The following ZFAT variants were observed in gnomAD, a reference collection of about 807,000 sequenced individuals.
ZFAT encodes zinc finger and AT-hook domain containing.
In ZFAT, 64 loss-of-function variants were observed where a neutral mutation model predicts 117.7. The ratio of observed to expected loss-of-function variants is 0.54; its 90% confidence interval spans 0.44 to 0.67. The LOEUF is 0.67. Ranked by LOEUF, ZFAT falls within the 30% of genes least tolerant of loss-of-function variation. ZFAT has a pLI of 0.00. For synonymous variants in ZFAT, 679 were observed against 615.0 expected (o/e 1.10, Z -1.54); for missense variants, 1,433 against 1,584.5 (o/e 0.90, Z 1.62).
intron 1 of ZFAT, among the ~76,000 whole-genome samples, chr8:134,680,554 C>G (rs770574829): frequency 2.0e-5 from 3 of 152,114 alleles, no homozygotes; most frequent in Non-Finnish European, 4.4e-5. Context: ...TCACACAGAT[C>G]AAATGGCAAC....
At chr8:134,600,320 A>C in intron 7 of ZFAT, 116 bp downstream of exon 7, 1 of 944,108 alleles carries the variant, frequency 1.1e-6, no homozygotes, top group South Asian at 1.3e-5. Context: ...AAGGAGAAGG[A>C]TCTCTCTATG....
intron 10 of ZFAT, among the ~76,000 whole-genome samples, chr8:134,579,169 G>C (rs1360031226): frequency 6.6e-6 from 1 of 152,220 alleles, no homozygotes; most frequent in Non-Finnish European, 1.5e-5. Flanking sequence ...TCCAAATGCA[G>C]ATGTTGAGTG....
chr8:134,593,637 G>A (rs1052398565), intron 7 of ZFAT, among the ~76,000 whole-genome samples: 1 of 152,208 alleles, frequency 6.6e-6, no homozygotes, highest in African/African-American at 2.4e-5. Context: ...TGGGGTGCAG[G>A]GTCAGCCCCA....
At position 134,620,655 on chromosome 8, in the gene ZFAT, T is replaced by C. The variant is rs768293294; in HGVS notation, c.449-10000A>G. Among the ~76,000 whole-genome samples, 12 of 152,188 alleles carry C rather than the reference T, an allele frequency of 7.9e-5. No homozygotes were observed. The South Asian group carries it at 2.3e-3, about 29-fold the overall frequency. ...AAGCACGGCTGCTAAAAGTCACTCT[T>C]CCGAGATGGTAGGATACAGCGCAGG... is the stretch of plus-strand genomic sequence containing the variant. On this transcript the variant is annotated intron_variant, in intron 3 of 15. Coordinates refer to ENST00000377838, the MANE Select transcript of ZFAT (RefSeq NM_020863.4).
chr8:134,550,208 G>A (rs1422714030), intron 11 of ZFAT, among the ~76,000 whole-genome samples: 1 of 147,582 alleles, frequency 6.8e-6, no homozygotes, highest in Non-Finnish European at 1.5e-5. Flanking sequence ...CATGCTGGGA[G>A]ATAAAAATCT....
intron 7 of ZFAT, among the ~76,000 whole-genome samples, chr8:134,593,354 G>A (rs540706633): frequency 9.9e-5 from 15 of 152,112 alleles, no homozygotes; most frequent in Middle Eastern, 6.8e-3. Context: ...GGTACTGGGC[G>A]GGGGTGGTGG....
At chr8:134,707,945 G>C (rs1813847856) in intron 1 of ZFAT, among the ~76,000 whole-genome samples, 1 of 152,228 alleles carries the variant, frequency 6.6e-6, no homozygotes, top group Admixed American at 6.5e-5. Context: ...ATCGGCCTCA[G>C]TGGCCAACAA....
intron 2 of ZFAT, among the ~76,000 whole-genome samples, chr8:134,649,015 A>T (rs1163569171): frequency 6.6e-6 from 1 of 152,134 alleles, no homozygotes; most frequent in Non-Finnish European, 1.5e-5. Flanking sequence ...TAATACAACA[A>T]ATAAGAAAAA....
rs548332784 is a variant in ZFAT, at chr8:134,520,439, TA to T, written c.3234+443del. 2.0e-5 allele frequency among the ~76,000 whole-genome samples: 3 copies of T among 151,880 alleles called. No homozygotes were observed. The East Asian group carries it at 5.8e-4, about 29-fold the overall frequency. On this transcript the variant is annotated intron_variant, in intron 13 of 15. Coordinates refer to ENST00000377838, the MANE Select transcript of ZFAT (RefSeq NM_020863.4). ...TCAGCAGGTGACTGGTTCCAACTCC[TA>T]AGGGAAAAAAAACAAAAAAGCAGCT...
chr8:134,579,397 G>A (rs530723407), intron 10 of ZFAT, among the ~76,000 whole-genome samples: 63 of 152,280 alleles, frequency 4.1e-4, no homozygotes, highest in African/African-American at 1.5e-3. Context: ...ATGGTGGCAG[G>A]CAAGAGAAAA....
upstream of ZFAT, among the ~76,000 whole-genome samples, chr8:134,717,464 C>CTCTTTT (rs1814223816): frequency 5.4e-5 from 1 of 18,468 alleles, no homozygotes; most frequent in Non-Finnish European, 1.6e-4. Context: ...TCAATAACAA[C>CTCTTTT]TCTTTTTTTT....
chr8:134,759,985 A>C, the ZFAT span, among the ~76,000 whole-genome samples: 1 of 145,966 alleles, frequency 6.9e-6, no homozygotes, highest in African/African-American at 2.7e-5. Flanking sequence ...AAAAAAAAAA[A>C]AAAAACAAAC....
At chr8:134,560,060 T>C (rs1234658747) in intron 11 of ZFAT, among the ~76,000 whole-genome samples, 3 of 152,230 alleles carry the variant, frequency 2.0e-5, no homozygotes, top group Non-Finnish European at 2.9e-5. Flanking sequence ...AAATCTAGCA[T>C]AGTTTCCTAG....
chr8:134,589,203 A>G (rs1303580433), intron 8 of ZFAT, among the ~76,000 whole-genome samples: 1 of 152,238 alleles, frequency 6.6e-6, no homozygotes, highest in Non-Finnish European at 1.5e-5. Context: ...AGCTGTTTTA[A>G]GAATAACTTT....
intron 1 of ZFAT, among the ~76,000 whole-genome samples, chr8:134,698,691 C>T (rs1301521163): frequency 1.3e-5 from 2 of 152,130 alleles, no homozygotes; most frequent in Admixed American, 6.5e-5. Flanking sequence ...CAGAACCAGC[C>T]TCCCGGACAC....
intron 5 of ZFAT, among the ~76,000 whole-genome samples, chr8:134,608,420 G>T (rs894281306): frequency 6.6e-6 from 1 of 152,122 alleles, no homozygotes; most frequent in Non-Finnish European, 1.5e-5. Context: ...CTTTACTTAA[G>T]CTATGTTTCT....
chr8:134,789,491 A>G, the ZFAT span, among the ~76,000 whole-genome samples: 1 of 152,206 alleles, frequency 6.6e-6, no homozygotes, highest in East Asian at 1.9e-4. Flanking sequence ...TGTACTGAAG[A>G]CAAATTTCCA....
rs1317199648 is a variant in ZFAT, at chr8:134,577,693, C to T, written c.2887+6139G>A. ...AAATGTAGTAAGTCGAAAATCTCTGCTTGTGAAGCTTACAATCTAGTGGAA... is the reference window on the plus strand; with the variant it reads ...AAATGTAGTAAGTCGAAAATCTCTGTTTGTGAAGCTTACAATCTAGTGGAA... On this transcript the variant is annotated intron_variant, in intron 10 of 15. Transcript: ENST00000377838. Among the ~76,000 whole-genome samples the T allele has an allele frequency of 2.6e-5, 4 of 152,118 alleles. No individual in the cohort carries two copies. The East Asian group carries it at 7.7e-4, about 29-fold the overall frequency.
rs1264914780 is a variant in ZFAT at position 134,544,901 on chromosome 8, A to G, written c.2977-11929T>C. ...TTTGGAAAACAGCTGAGCATCACCT[A>G]GCAAAGCTGAAGCTGTGCATCCCAT... On this transcript the variant is annotated intron_variant, in intron 11 of 15. Transcript: ENST00000377838. 2.6e-5 allele frequency among the ~76,000 whole-genome samples: 4 copies of G among 152,288 alleles called. No individual in the cohort carries two copies. In the East Asian group the frequency reaches 5.8e-4, roughly 22 times the overall value.
Sources: gnomAD v4.1 joint callset for allele counts (sites outside exome capture counted in the v4.1 genomes callset) on GRCh38, gnomAD v4.1.1 for gene constraint, MANE v1.5 for transcripts, NCBI Gene and HGNC (gene_info 2026-07-23, HGNC 2026-07-21) for gene names.